ABAT: variants seen among roughly 807,000 people sequenced by gnomAD.
ABAT encodes 4-aminobutyrate aminotransferase, mitochondrial.
A neutral mutation model predicts 64.6 loss-of-function variants in ABAT; 45 were observed. That is an observed-to-expected ratio of 0.70 (90% CI 0.55 to 0.89). The LOEUF is 0.89. Among genes scored for constraint, ABAT ranks in the 40% least tolerant of loss-of-function variants. ABAT has a pLI of 0.00. For missense variants in ABAT, 633 were observed against 658.4 expected, an observed-to-expected ratio of 0.96 and a Z score of 0.42; for synonymous variants, 297 against 250.5, an observed-to-expected ratio of 1.19 and a Z score of -1.75.
In ABAT at chr16:8,752,085, C is replaced by G. The variant is rs139335422; in HGVS notation, c.316+1546C>G. On this transcript the variant is annotated intron_variant, in intron 5 of 15. Transcript: ENST00000268251. ...CCTCCCTTTGGACCCTGCTCAGAAG[C>G]CTGGAGCCTTTCCCTGAGACCCAGC... Among the ~76,000 whole-genome samples, 575 of 152,340 alleles carry G rather than the reference C, an allele frequency of 3.8e-3. 6 individuals carry two copies. The highest frequency in any genetic ancestry group is 0.013 in the African/African-American group (544 of 41,574).
chr16:8,731,111 C>T (rs1043105712), intron 1 of ABAT, among the ~76,000 whole-genome samples: 2 of 152,100 alleles, frequency 1.3e-5, no homozygotes, highest in Non-Finnish European at 2.9e-5. Context: ...TACAGGCGTG[C>T]ACCACCACAC....
chr16:8,693,753 G>A (rs1186667671), intron 1 of ABAT, among the ~76,000 whole-genome samples: 1 of 152,192 alleles, frequency 6.6e-6, no homozygotes, highest in Non-Finnish European at 1.5e-5. Flanking sequence ...ACGAGTATAA[G>A]CCACCATGCC....
rs115845635 is a variant in ABAT at position 8,682,719 on chromosome 16, G to C, written c.-42+8008G>C. Among the ~76,000 whole-genome samples the C allele has an allele frequency of 3.2e-3, 492 of 152,238 alleles. 1 individual carries two copies. The highest frequency in any genetic ancestry group is 0.011 in the African/African-American group (475 of 41,530). On this transcript the variant is annotated intron_variant, in intron 1 of 15. Transcript: ENST00000268251. ...GATATCAGCAACTTGCCAGCACTCT[G>C]TCCCTGGGCTGCACTGAGAATTCCT...
rs973556137 is a variant in ABAT, at chr16:8,722,929, C to T, written c.-41-12770C>T. The T allele has an allele frequency of 4.8e-5, 57 of 1,192,708 alleles. No homozygotes were observed. In the African/African-American group the frequency reaches 6.9e-4, roughly 14 times the overall value. 73.9% of individuals were successfully genotyped at this position (1,192,708 alleles called of 1,614,324 possible). On this transcript the variant is annotated intron_variant, in intron 1 of 15. Transcript: ENST00000268251. ...CGCTTGTCAGGTGTTTCTTAGAGTC[C>T]GAACGGGCCTTAGAAACAATGTGAT...
At chr16:8,710,789 T>A (rs2058054857) in intron 1 of ABAT, among the ~76,000 whole-genome samples, 1 of 151,148 alleles carries the variant, frequency 6.6e-6, no homozygotes, top group South Asian at 2.1e-4. Flanking sequence ...CTAGGCCTTC[T>A]TGTACCAACC....
At chr16:8,722,750 C>T in intron 1 of ABAT, 2 of 1,209,952 alleles carry the variant, frequency 1.7e-6, no homozygotes, top group African/African-American at 1.6e-5. Flanking sequence ...GAATCCTTCA[C>T]CTGCTTCTTT....
intron 1 of ABAT, among the ~76,000 whole-genome samples, chr16:8,688,840 G>A: frequency 6.6e-6 from 1 of 152,194 alleles, no homozygotes; most frequent in South Asian, 2.1e-4. Flanking sequence ...CACTTTGGGA[G>A]GCCAAGGCAG....
chr16:8,769,095 A>G, intron 11 of ABAT, 122 bp downstream of exon 11: 1 of 1,378,070 alleles, frequency 7.3e-7, no homozygotes, highest in Non-Finnish European at 1.0e-6. Flanking sequence ...GTGCTCCCCC[A>G]GAGGGAAGCA....
chr16:8,705,458 G>A (rs986512677), intron 1 of ABAT: 4 of 152,064 alleles, frequency 2.6e-5, no homozygotes, highest in Admixed American at 6.6e-5. Flanking sequence ...ACCATATCAG[G>A]GGCTTTCCAG....
chr16:8,760,744 G>T (rs1200450861), intron 6 of ABAT, among the ~76,000 whole-genome samples: 1 of 152,230 alleles, frequency 6.6e-6, no homozygotes, highest in East Asian at 1.9e-4. Flanking sequence ...ACCGCCTCCA[G>T]AGGCAGAAGC....
At chr16:8,696,124 C>T (rs962331517) in intron 1 of ABAT, among the ~76,000 whole-genome samples, 2 of 152,190 alleles carry the variant, frequency 1.3e-5, no homozygotes, top group African/African-American at 4.8e-5. Context: ...AGAGCTGGGA[C>T]TCAAACCCAG....
chr16:8,757,314 C>T (rs536717275), intron 5 of ABAT: 5 of 371,050 alleles, frequency 1.3e-5, no homozygotes, highest in East Asian at 1.5e-4. Flanking sequence ...ATTACAGGCA[C>T]GTGCTACCTC....
chr16:8,706,134 G>A (rs1567277113), intron 1 of ABAT, among the ~76,000 whole-genome samples: 2 of 152,074 alleles, frequency 1.3e-5, no homozygotes, highest in Non-Finnish European at 2.9e-5. Flanking sequence ...CATGCTGGCT[G>A]CAGTGGCTCG....
At chr16:8,743,316 CTCTG>C (rs1312142977) in intron 2 of ABAT, among the ~76,000 whole-genome samples, 30 of 48,428 alleles carry the variant, frequency 6.2e-4, no homozygotes, top group Admixed American at 2.1e-3. Context: ...GCATGTGTGT[CTCTG>C]TGTGTGTGTG....
rs751971295 is a variant in ABAT, at chr16:8,776,497, C to A, written c.1269+7C>A. The A allele has an allele frequency of 1.9e-6, 3 of 1,607,634 alleles. No homozygotes were observed. The highest frequency in any genetic ancestry group is 1.1e-5 in the South Asian group (1 of 90,002). On this transcript the variant is annotated splice_region_variant and intron_variant, in intron 14 of 15. Coordinates refer to ENST00000268251, the MANE Select transcript of ABAT (RefSeq NM_020686.6). The surrounding 1 kb of genome is among the most constrained non-coding windows in gnomAD (Gnocchi z 4.4). The stretch of plus-strand genomic sequence containing the variant: ...AGGACTGCTGGACCTCCAGGTAACA[C>A]CCCCTCCCCTGCCCCGCCCCCACCA...
At chr16:8,769,062 G>C in intron 11 of ABAT, 89 bp downstream of exon 11, 1 of 1,555,490 alleles carries the variant, frequency 6.4e-7, no homozygotes, top group Non-Finnish European at 8.8e-7. Context: ...AACAGATGAA[G>C]GGTTTATCTG....
intron 1 of ABAT, among the ~76,000 whole-genome samples, chr16:8,696,392 G>A (rs1336522139): frequency 6.6e-6 from 1 of 152,178 alleles, no homozygotes; most frequent in Non-Finnish European, 1.5e-5. Context: ...GGAGGCTGAG[G>A]CAGACGGATC....
At chr16:8,745,646 C>T (rs1435967336) in intron 2 of ABAT, among the ~76,000 whole-genome samples, 1 of 151,794 alleles carries the variant, frequency 6.6e-6, no homozygotes, top group Non-Finnish European at 1.5e-5. Context: ...TGCAGTGAGC[C>T]TTGTTGGGGC....
intron 15 of ABAT, among the ~76,000 whole-genome samples, chr16:8,779,819 A>T (rs2060380923): frequency 6.6e-6 from 1 of 152,180 alleles, no homozygotes; most frequent in African/African-American, 2.4e-5. Context: ...TTGTAAGTGG[A>T]CACTGGAGAC....
Sources: gnomAD v4.1 joint callset for allele counts (sites outside exome capture counted in the v4.1 genomes callset) on GRCh38, gnomAD v4.1.1 for gene constraint, Gnocchi (gnomAD v3.1) non-coding constraint, MANE v1.5 for transcripts, NCBI Gene and HGNC (gene_info 2026-07-23, HGNC 2026-07-21) for gene names.